The following NIN variants were observed in gnomAD, a reference collection of about 807,000 sequenced individuals.
NIN encodes glycogen synthase kinase 3 beta-interacting protein.
Under a neutral mutation model 257.6 loss-of-function variants are expected in NIN, and 137 were observed. The observed-to-expected ratio is 0.53, with a 90% confidence interval of 0.46 to 0.61. The LOEUF (loss-of-function observed/expected upper bound fraction) is 0.61. Ranked by LOEUF, NIN falls within the 20% of genes least tolerant of loss-of-function variation. The probability of loss-of-function intolerance (pLI) is 0.00; values close to 1 mark genes in which losing one functional copy is unlikely to be tolerated. For missense variants in NIN, 2,439 were observed against 2,501.2 expected (o/e 0.98, Z 0.53); for synonymous variants, 918 against 919.8 (o/e 1.00, Z 0.04).
Position 50,784,360 on chromosome 14 carries a change from T to C in NIN, c.436-5556A>G, listed in dbSNP as rs140022291. Among the ~76,000 whole-genome samples the C allele has an allele frequency of 5.7e-3, 873 of 152,322 alleles. 6 individuals carry two copies. Among genetic ancestry groups the C allele is most frequent in the Middle Eastern group, 0.024 (7 of 294 alleles). On this transcript the variant is annotated intron_variant, in intron 5 of 30. Coordinates refer to ENST00000530997, the MANE Select transcript of NIN (RefSeq NM_020921.4). ...TCGAGTTCAATTTCCGCTCTACTACTTACTCGTGGTGTGACCTTGGCCAAG... is the reference window on the plus strand; with the variant it reads ...TCGAGTTCAATTTCCGCTCTACTACCTACTCGTGGTGTGACCTTGGCCAAG...
intron 3 of NIN, among the ~76,000 whole-genome samples, chr14:50,814,350 G>C (rs1174070154): frequency 6.6e-6 from 1 of 152,164 alleles, no homozygotes; most frequent in African/African-American, 2.4e-5. Flanking sequence ...ATTTATCAAA[G>C]AGCCATTCTG....
rs192155071 is a variant in NIN at position 50,818,835 on chromosome 14, C to G, written c.183+3039G>C. Among the ~76,000 whole-genome samples, 131 of 151,060 alleles carry G rather than the reference C, an allele frequency of 8.7e-4. 1 individual carries two copies. Among genetic ancestry groups the G allele is most frequent in the Middle Eastern group, 3.4e-3 (1 of 292 alleles). On this transcript the variant is annotated intron_variant, in intron 3 of 30. Transcript: ENST00000530997. ...GGGGGAAAATGACCTATTGGTAAAA[C>G]ACATAGAAATGGCAAGTTGATTTAA...
At chr14:50,760,678 A>G (rs2042242482) in intron 16 of NIN, among the ~76,000 whole-genome samples, 1 of 151,952 alleles carries the variant, frequency 6.6e-6, no homozygotes, top group African/African-American at 2.4e-5. Context: ...GTCTTGGAAC[A>G]TATATATTTT....
At chr14:50,792,583 G>T in intron 5 of NIN, 129 bp downstream of exon 5, 2 of 889,444 alleles carry the variant, frequency 2.2e-6, no homozygotes, top group Non-Finnish European at 3.5e-6. Flanking sequence ...AATAAGATTA[G>T]CAAGGAGTTG....
intron 22 of NIN, among the ~76,000 whole-genome samples, chr14:50,745,197 T>C (rs1324822098): frequency 2.0e-5 from 3 of 152,196 alleles, no homozygotes; most frequent in Non-Finnish European, 2.9e-5. Context: ...TGGATAATTC[T>C]TCAGGCGTTG....
rs929921417 is a variant in NIN, at chr14:50,744,456, T to G, written c.5065-91A>C. The G allele has an allele frequency of 2.2e-6, 3 of 1,350,290 alleles. No individual in the cohort carries two copies. The African/African-American group carries it at 4.4e-5, about 20-fold the overall frequency. The allele number at this position is 1,350,290 out of a possible 1,614,324, so 83.6% of individuals were successfully genotyped here. On this transcript the variant is annotated intron_variant, in intron 22 of 30. Coordinates refer to ENST00000530997, the MANE Select transcript of NIN (RefSeq NM_020921.4). The stretch of plus-strand genomic sequence containing the variant: ...CTAAATAGGGCATTTTCACAGCTGC[T>G]GCTATTTGCCTATCTGTGGATATTT...
chr14:50,785,846 G>A (rs1276644446), intron 5 of NIN, among the ~76,000 whole-genome samples: 1 of 152,168 alleles, frequency 6.6e-6, no homozygotes, highest in Non-Finnish European at 1.5e-5. Flanking sequence ...TTTCCACTAT[G>A]CCACCTTTGA....
intron 3 of NIN, among the ~76,000 whole-genome samples, chr14:50,820,605 G>A (rs2045165074): frequency 6.6e-6 from 1 of 152,132 alleles, no homozygotes; most frequent in Non-Finnish European, 1.5e-5. Context: ...AGTGCATGAG[G>A]AGCAAATGGT....
rs747322739 is a variant in NIN at position 50,727,784 on chromosome 14, C to T, written c.6079-1718G>A. 4.2e-6 allele frequency: 6 copies of T among 1,416,170 alleles called. No homozygotes were observed. In the South Asian group the frequency reaches 6.8e-5, roughly 16 times the overall value. The allele number at this position is 1,416,170 out of a possible 1,614,324, so 87.7% of individuals were successfully genotyped here. ...AAGAAGGCAAGTAGTACACTTCACC[C>T]TCATGTCAGGATGAGTTTTTAGGGG... On this transcript the variant is annotated intron_variant, in intron 29 of 30. Transcript: ENST00000530997.
intron 2 of NIN, among the ~76,000 whole-genome samples, chr14:50,829,675 T>C (rs926935469): frequency 6.6e-6 from 1 of 152,258 alleles, no homozygotes; most frequent in Non-Finnish European, 1.5e-5. Context: ...GATCTCATAA[T>C]ATCCAAGTTG....
At chr14:50,789,280 A>C (rs552441982) in intron 5 of NIN, among the ~76,000 whole-genome samples, 1 of 152,344 alleles carries the variant, frequency 6.6e-6, no homozygotes, top group East Asian at 1.9e-4. Flanking sequence ...CAGTACAATA[A>C]AGAACTGTCA....
rs2040305334 is a variant in NIN at position 50,723,313 on chromosome 14, G to T, written c.*150C>A. 3 of 606,142 alleles carry T rather than the reference G, an allele frequency of 4.9e-6. No individual in the cohort carries two copies. The allele number at this position is 606,142 out of a possible 1,614,324, so 37.5% of individuals were successfully genotyped here. On this transcript the variant is annotated 3_prime_UTR_variant, in exon 31 of 31. Coordinates refer to ENST00000530997, the MANE Select transcript of NIN (RefSeq NM_020921.4). The stretch of plus-strand genomic sequence containing the variant: ...GTATTTATTTTCAAACTCCCATAAG[G>T]GTCTATTTAGAAAAACTAATTATGA...
At chr14:50,816,223 A>C (rs1460705041) in intron 3 of NIN, among the ~76,000 whole-genome samples, 1 of 151,648 alleles carries the variant, frequency 6.6e-6, no homozygotes, top group East Asian at 1.9e-4. Flanking sequence ...AGGTGGGGGG[A>C]GGGAGAGCAT....
At chr14:50,742,782 G>A (rs1200223266) in intron 24 of NIN, among the ~76,000 whole-genome samples, 1 of 152,130 alleles carries the variant, frequency 6.6e-6, no homozygotes, top group Non-Finnish European at 1.5e-5. Flanking sequence ...TAAAGGGAAT[G>A]TTGATATAGA....
intron 4 of NIN, among the ~76,000 whole-genome samples, chr14:50,798,367 G>C (rs1458528671): frequency 6.6e-6 from 1 of 152,192 alleles, no homozygotes; most frequent in Non-Finnish European, 1.5e-5. Flanking sequence ...TAACAGGGTG[G>C]CTTTGATTAG....
chr14:50,750,806 T>C (rs1400255412), intron 21 of NIN, among the ~76,000 whole-genome samples: 1 of 152,176 alleles, frequency 6.6e-6, no homozygotes, highest in Non-Finnish European at 1.5e-5. Flanking sequence ...GTTACTATGG[T>C]TCTAAGAGTC....
chr14:50,800,928 G>A (rs1248838683), intron 4 of NIN, among the ~76,000 whole-genome samples: 4 of 151,636 alleles, frequency 2.6e-5, no homozygotes, highest in Non-Finnish European at 5.9e-5. Flanking sequence ...CATTACAAGC[G>A]TGCACCACCA....
rs797045742 is a variant in NIN, at chr14:50,757,704, T to C, written c.3326A>G (p.Asp1109Gly). 5 of 1,614,066 alleles carry C rather than the reference T, an allele frequency of 3.1e-6. No individual in the cohort carries two copies. Among genetic ancestry groups the C allele is most frequent in the Admixed American group, 1.7e-5 (1 of 60,004 alleles). Residue 1109 changes from aspartate (D) to glycine (G), a missense_variant, in exon 18 of 31, where the codon GAT (aspartate) becomes GGT (glycine). Asp to Gly is a moderately conservative substitution (Grantham distance 94). Coordinates refer to ENST00000530997, the MANE Select transcript of NIN (RefSeq NM_020921.4). ...TCCAAAAAACTCAGTAGCTGGCTCA[T>C]CCAAACAAGAAGACATTACTAACCC... is the stretch of plus-strand genomic sequence containing the variant. ...EPGLVMSSCL[D>G]EPATEFFGNT...
In NIN at chr14:50,741,592, G is replaced by C. The variant is rs753098945; in HGVS notation, c.5438C>G (p.Ala1813Gly). 1.1e-5 allele frequency: 17 copies of C among 1,613,250 alleles called. No homozygotes were observed. In the African/African-American group the frequency reaches 2.0e-4, roughly 19 times the overall value. The change falls in exon 25 of 31, where the codon GCT (alanine) becomes GGT (glycine). Residue 1813 changes from alanine (A) to glycine (G), a missense_variant. Transcript: ENST00000530997. ...AAAAGAACAAATCACCTTGCCACCA[G>C]CATTCTGAAGTTGCTTATGTAAAGA... Reference protein sequence around the residue: ...VMSLHKQLQNAGGKSWAPEIA... With the variant: ...VMSLHKQLQNGGGKSWAPEIA...
Sources: allele counts gnomAD v4.1 joint callset (sites outside exome capture counted in the v4.1 genomes callset), GRCh38; gene constraint gnomAD v4.1.1; transcripts MANE v1.5; gene names NCBI Gene and HGNC (gene_info 2026-07-23, HGNC 2026-07-21).